Variants in CFAP46 observed in about 807,000 individuals in gnomAD.
The protein encoded by CFAP46 is cilia and flagella associated protein 46.
A neutral mutation model predicts 325.7 loss-of-function variants in CFAP46; 245 were observed. The observed-to-expected ratio is 0.75, with a 90% confidence interval of 0.68 to 0.84. The LOEUF (loss-of-function observed/expected upper bound fraction) is 0.84. Among genes scored for constraint, CFAP46 ranks in the 40% least tolerant of loss-of-function variants. The pLI, the probability that CFAP46 is intolerant of heterozygous loss-of-function variation, is 0.00. For synonymous variants in CFAP46, 1,523 were observed against 1,495.9 expected (o/e 1.02, Z -0.42); for missense variants, 3,346 against 3,543.0 (o/e 0.94, Z 1.41).
In CFAP46 at chr10:132,859,123, C is replaced by T. The variant is rs1848688875; in HGVS notation, c.5323G>A (p.Gly1775Ser). 6.4e-7 allele frequency: 1 copy of T among 1,550,904 alleles called. No homozygotes were observed. Among genetic ancestry groups the T allele is most frequent in the African/African-American group, 1.4e-5 (1 of 73,034 alleles). The change falls in exon 38 of 58, where the codon GGC becomes AGC. Residue 1775 changes from glycine to serine, a missense_variant. Coordinates refer to ENST00000368586, the MANE Select transcript of CFAP46 (RefSeq NM_001200049.3). ...ACGTCAACACAATTCTCTTTGCAGC[C>T]ACAGTCGATAAACTTTCTCTCAATT... ...LEIERKFIDC[G>S]CKENCVDVKL...
At chr10:132,938,531 T>C in intron 5 of CFAP46, 58 bp downstream of exon 5, 2 of 1,565,824 alleles carry the variant, frequency 1.3e-6, no homozygotes, top group Non-Finnish European at 1.7e-6. Context: ...GGTGGTGGCC[T>C]CAGAGCCAGA....
At chr10:132,846,035 A>G in intron 44 of CFAP46, 22 bp downstream of exon 44, 1 of 1,593,036 alleles carries the variant, frequency 6.3e-7, no homozygotes, top group Non-Finnish European at 8.5e-7. Flanking sequence ...GGGCAGGTTC[A>G]GCGGCATCCG....
rs557480064 is a variant in CFAP46 at position 132,930,103 on chromosome 10, C to G, written c.867-299G>C. ...CCAGGCTTCAGGTCATGTGCAGAAC[C>G]CAGGAGAAGCACAGGGATGACGACA... On this transcript the variant is annotated intron_variant, in intron 8 of 57. Coordinates refer to ENST00000368586, the MANE Select transcript of CFAP46 (RefSeq NM_001200049.3). Among the ~76,000 whole-genome samples the G allele has an allele frequency of 3.2e-4, 48 of 152,240 alleles. No homozygotes were observed. In the Middle Eastern group the frequency reaches 0.02, roughly 65 times the overall value.
chr10:132,815,286 G>A (rs554335469), intron 50 of CFAP46, among the ~76,000 whole-genome samples: 42 of 152,310 alleles, frequency 2.8e-4, no homozygotes, highest in African/African-American at 9.9e-4. Flanking sequence ...ACTTTCTTTT[G>A]CAGGCTCTGA....
intron 26 of CFAP46, 61 bp downstream of exon 26, chr10:132,885,760 C>T (rs1242015269): frequency 2.1e-5 from 28 of 1,364,760 alleles, no homozygotes; most frequent in African/African-American, 1.4e-4. Context: ...CACTCACAGG[C>T]GGTGGGGGGA....
At chr10:132,878,422 G>A (rs182133549) in intron 29 of CFAP46, among the ~76,000 whole-genome samples, 395 of 152,272 alleles carry the variant, frequency 2.6e-3, no homozygotes, top group Non-Finnish European at 4.4e-3. Context: ...TCCCTGCAGC[G>A]GCCCTTGTTG....
Position 132,834,679 on chromosome 10 carries a change from G to T in CFAP46, c.6841C>A (p.Pro2281Thr). The T allele has an allele frequency of 6.2e-7, 1 of 1,613,348 alleles. No homozygotes were observed. Among genetic ancestry groups the T allele is most frequent in the Non-Finnish European group, 8.5e-7 (1 of 1,179,962 alleles). ...PLEELLQPLF[P>T]LLSLSKARVQ... ...CTGGCCTTGGAGAGGCTGAGCAGGG[G>T]GAATAGCGGCTGCAGAAGCTCCTCC... The change falls in exon 48 of 58, where the codon CCC (proline) becomes ACC (threonine). Residue 2281 changes from proline (P) to threonine (T), a missense_variant. By Grantham distance (38) the Pro-to-Thr change is conservative. Transcript: ENST00000368586.
At chr10:132,887,137 CCTCT>C (rs1256405453) in intron 25 of CFAP46, among the ~76,000 whole-genome samples, 10 of 135,014 alleles carry the variant, frequency 7.4e-5, no homozygotes, top group African/African-American at 2.8e-4. Flanking sequence ...TCTCCTCTGT[CCTCT>C]CTCACTTCTC....
At chr10:132,904,619 A>G (rs10870351) in intron 22 of CFAP46, among the ~76,000 whole-genome samples, 44,152 of 152,128 alleles carry the variant, frequency 0.29, 6,522 homozygotes, top group East Asian at 0.46. Flanking sequence ...CCCAGCCCCC[A>G]CATCCTCCTG....
In CFAP46 at chr10:132,878,040, C is replaced by G. The variant is rs1204652058; in HGVS notation, c.4053G>C (p.Leu1351=). ...AGKSVLENRP[L]AATSSHLLLP... ...ATAACAGATGTGAGCTGGTTGCTGCCAGGGGTCTGTTTTCCAGAACTGATT... is the reference window on the plus strand; with the variant it reads ...ATAACAGATGTGAGCTGGTTGCTGCGAGGGGTCTGTTTTCCAGAACTGATT... Residue 1351 remains leucine, a synonymous_variant, in exon 30 of 58, where the codon CTG becomes CTC. Coordinates refer to ENST00000368586, the MANE Select transcript of CFAP46 (RefSeq NM_001200049.3). 1.9e-6 allele frequency: 3 copies of G among 1,550,434 alleles called. No homozygotes were observed. In the East Asian group the frequency reaches 7.3e-5, roughly 38 times the overall value.
chr10:132,916,581 G>A lies in CFAP46; in HGVS notation c.2088C>T (p.Pro696=), dbSNP rs1296443163. The change falls in exon 17 of 58, where the codon CCC becomes CCT. Residue 696 remains proline (P), a synonymous_variant. Coordinates refer to ENST00000368586, the MANE Select transcript of CFAP46 (RefSeq NM_001200049.3). ...TGATCCACTCAGCATTCACCTCCGGGGGCTCAGGCACGTAGCCAGCTGGGT... is the reference window on the plus strand; with the variant it reads ...TGATCCACTCAGCATTCACCTCCGGAGGCTCAGGCACGTAGCCAGCTGGGT... The part of the protein sequence containing the change: ...SQHPAGYVPE[P]PEVNAEWITY... The A allele has an allele frequency of 4.5e-6, 7 of 1,547,736 alleles. No individual in the cohort carries two copies. The highest frequency in any genetic ancestry group is 1.4e-5 in the African/African-American group (1 of 72,770).
intron 17 of CFAP46, among the ~76,000 whole-genome samples, chr10:132,916,132 G>A (rs1849633890): frequency 6.6e-6 from 1 of 152,174 alleles, no homozygotes; most frequent in South Asian, 2.1e-4. Flanking sequence ...CCCACAATAG[G>A]AGGGAGAGCA....
rs867595330 is a variant in CFAP46, at chr10:132,826,376, G to T, written c.7117+6982C>A. On this transcript the variant is annotated intron_variant, in intron 50 of 57. Coordinates refer to ENST00000368586, the MANE Select transcript of CFAP46 (RefSeq NM_001200049.3). ...AGAGACCAGCCACGGAGCCAGGCAG[G>T]AGCCAGAGCCACAGAGACCAGCCAT... 8.7e-4 allele frequency among the ~76,000 whole-genome samples: 118 copies of T among 135,660 alleles called. No individual in the cohort carries two copies. The Middle Eastern group carries it at 0.031, about 36-fold the overall frequency. 89.0% of individuals were successfully genotyped at this position (135,660 alleles called of 152,430 possible).
rs1850061420 is a variant in CFAP46 at position 132,939,217 on chromosome 10, G to A, written c.372-464C>T. On this transcript the variant is annotated intron_variant, in intron 4 of 57. Coordinates refer to ENST00000368586, the MANE Select transcript of CFAP46 (RefSeq NM_001200049.3). The surrounding 1 kb of genome is among the most constrained non-coding windows in gnomAD (Gnocchi z 4.6). ...TGCTGTGACCTGAAAGATGTCAGGA[G>A]GCAGCCAAGACAGTAGTAGAGGAAA... Among the ~76,000 whole-genome samples, 1 of 152,210 alleles carries A rather than the reference G, an allele frequency of 6.6e-6. No individual in the cohort carries two copies. The highest frequency in any genetic ancestry group is 2.4e-5 in the African/African-American group (1 of 41,454).
At chr10:132,916,425 C>T in intron 17 of CFAP46, 124 bp downstream of exon 17, 1 of 1,057,642 alleles carries the variant, frequency 9.5e-7, no homozygotes, top group South Asian at 1.8e-5. Context: ...GACACGTCCC[C>T]CACGCAAGAA....
rs41302993 is a variant in CFAP46 at position 132,922,515 on chromosome 10, G to T, written c.1450C>A (p.Arg484Ser). ...GCCATGATGGCCTTGTCCTCTGCGCGCTCAGGGGCCTGGTATAGCGTGGTG... is the reference window on the plus strand; with the variant it reads ...GCCATGATGGCCTTGTCCTCTGCGCTCTCAGGGGCCTGGTATAGCGTGGTG... Reference protein sequence around the residue: ...LCTTLYQAPERAEDKAIMAVE... With the variant: ...LCTTLYQAPESAEDKAIMAVE... Residue 484 changes from arginine to serine, a missense_variant, in exon 12 of 58, where the codon CGC becomes AGC. Arg to Ser is a moderately radical substitution (Grantham distance 110). Transcript: ENST00000368586. 6.5e-3 allele frequency: 10,114 copies of T among 1,545,324 alleles called. 78 individuals are homozygous for T. The highest frequency in any genetic ancestry group is 6.6e-3 in the Non-Finnish European group (7,549 of 1,145,370).
chr10:132,815,600 T>C (rs1847679407), intron 50 of CFAP46, among the ~76,000 whole-genome samples: 1 of 152,344 alleles, frequency 6.6e-6, no homozygotes, highest in Admixed American at 6.5e-5. Flanking sequence ...ATGCTTGCAC[T>C]GTTCCTCTAG....
intron 17 of CFAP46, 99 bp from the exon 18 acceptor site, chr10:132,913,357 GCAAGAA>G: frequency 2.4e-5 from 10 of 413,596 alleles, no homozygotes; most frequent in East Asian, 1.3e-4. Context: ...AGGCTGCAGG[GCAAGAA>G]GTGGGAGGGG....
Position 132,937,352 on chromosome 10 carries a change from T to C in CFAP46, c.660+200A>G, listed in dbSNP as rs971563641. ...AGGCAAAAGACCCTGTTTTGTTTTC[T>C]AAATGTCACAGTTCTATACATCTTT... is the stretch of plus-strand genomic sequence containing the variant. On this transcript the variant is annotated intron_variant, in intron 6 of 57. Coordinates refer to ENST00000368586, the MANE Select transcript of CFAP46 (RefSeq NM_001200049.3). 9.7e-6 allele frequency: 6 copies of C among 617,048 alleles called. No individual in the cohort carries two copies. In the African/African-American group the frequency reaches 1.1e-4, roughly 12 times the overall value. The allele number at this position is 617,048 out of a possible 1,614,324, so 38.2% of individuals were successfully genotyped here.
Sources: allele counts gnomAD v4.1 joint callset (sites outside exome capture counted in the v4.1 genomes callset), GRCh38; gene constraint gnomAD v4.1.1; non-coding constraint Gnocchi (gnomAD v3.1); transcripts MANE v1.5; gene names NCBI Gene and HGNC (gene_info 2026-07-23, HGNC 2026-07-21).